Variants in RSRC1 observed in about 807,000 individuals in gnomAD.
The protein encoded by RSRC1 is arginine and serine rich coiled-coil 1.
Under a neutral mutation model 49.1 loss-of-function variants are expected in RSRC1, and 39 were observed. The observed-to-expected ratio is 0.79, with a 90% CI of 0.61 to 1.04. The LOEUF is 1.04. RSRC1 is among the 50% of genes least tolerant of loss of function. The pLI, the probability that RSRC1 is intolerant of heterozygous loss-of-function variation, is 0.00. For synonymous variants in RSRC1, 143 were observed against 130.8 expected (o/e 1.09, Z -0.63); for missense variants, 388 against 402.4 (o/e 0.96, Z 0.31).
At chr3:158,413,455 AAAGC>A (rs1734570639) in intron 6 of RSRC1, among the ~76,000 whole-genome samples, 1 of 152,214 alleles carries the variant, frequency 6.6e-6, no homozygotes, top group Non-Finnish European at 1.5e-5. Flanking sequence ...AAAAATGTCA[AAAGC>A]AATTGCAACA....
rs762180975 is a variant in RSRC1, at chr3:158,203,248, A to G, written c.494+3A>G. ...GAATTACATAACATCAAACGTGGGT[A>G]AGTTGGAGCAAATCTTATCTGGTAA... is the stretch of plus-strand genomic sequence containing the variant. On this transcript the variant is annotated splice_donor_region_variant and intron_variant, in intron 4 of 9. Coordinates refer to ENST00000611884, the MANE Select transcript of RSRC1 (RefSeq NM_001271838.2). The G allele has an allele frequency of 6.4e-7, 1 of 1,570,004 alleles. No homozygotes were observed. The highest frequency in any genetic ancestry group is 1.2e-5 in the South Asian group (1 of 85,586).
chr3:158,229,968 TC>T (rs1373791112), intron 4 of RSRC1, among the ~76,000 whole-genome samples: 3 of 152,054 alleles, frequency 2.0e-5, no homozygotes, highest in African/African-American at 7.2e-5. Flanking sequence ...CAGTCCATGG[TC>T]CCAGTTAATG....
intron 6 of RSRC1, among the ~76,000 whole-genome samples, chr3:158,447,570 GACTC>G (rs1428857225): frequency 1.3e-5 from 2 of 151,888 alleles, no homozygotes; most frequent in Non-Finnish European, 2.9e-5. Context: ...TATAACTCTT[GACTC>G]ACTCACTTCT....
intron 3 of RSRC1, among the ~76,000 whole-genome samples, chr3:158,181,233 G>A (rs1201219570): frequency 6.6e-6 from 1 of 152,142 alleles, no homozygotes. Context: ...AACTGTGCTA[G>A]CAACTAGATG....
At chr3:158,180,876 C>T (rs1240846964) in intron 3 of RSRC1, among the ~76,000 whole-genome samples, 1 of 145,310 alleles carries the variant, frequency 6.9e-6, no homozygotes, top group African/African-American at 2.6e-5. Context: ...GCAATCTCGG[C>T]TTACTGCAAC....
intron 4 of RSRC1, among the ~76,000 whole-genome samples, chr3:158,233,919 C>A (rs1052455513): frequency 1.1e-4 from 16 of 152,092 alleles, no homozygotes; most frequent in African/African-American, 3.6e-4. Context: ...GTTTGTTGAT[C>A]TTATTCTCTA....
intron 3 of RSRC1, among the ~76,000 whole-genome samples, chr3:158,194,048 C>T (rs1014108540): frequency 2.4e-4 from 34 of 140,222 alleles, no homozygotes; most frequent in African/African-American, 5.2e-4. Flanking sequence ...AGTGAGACCC[C>T]GTCTATACAC....
intron 6 of RSRC1, among the ~76,000 whole-genome samples, chr3:158,389,385 A>C (rs1469269370): frequency 1.3e-5 from 2 of 152,216 alleles, no homozygotes; most frequent in Non-Finnish European, 2.9e-5. Context: ...AATTGTGGAC[A>C]AAGCTGTAAA....
Position 158,126,978 on chromosome 3 carries a change from C to G in RSRC1, c.320+2987C>G, listed in dbSNP as rs1011711954. Among the ~76,000 whole-genome samples the G allele has an allele frequency of 5.3e-5, 8 of 152,078 alleles. No homozygotes were observed. The East Asian group carries it at 1.5e-3, about 29-fold the overall frequency. ...TCCTTTCTGGCTTGTAATGTTTCCT[C>G]TGCAAAATTGCTGAAATCTTATGAA... On this transcript the variant is annotated intron_variant, in intron 3 of 9. Coordinates refer to ENST00000611884, the MANE Select transcript of RSRC1 (RefSeq NM_001271838.2).
At chr3:158,315,134 T>C (rs950117304) in intron 5 of RSRC1, among the ~76,000 whole-genome samples, 1 of 152,202 alleles carries the variant, frequency 6.6e-6, no homozygotes, top group Non-Finnish European at 1.5e-5. Flanking sequence ...GTAAACTCTT[T>C]ACTGTTGTGC....
intron 3 of RSRC1, among the ~76,000 whole-genome samples, chr3:158,151,033 A>G (rs1044247379): frequency 2.0e-5 from 3 of 152,198 alleles, no homozygotes; most frequent in Non-Finnish European, 2.9e-5. Flanking sequence ...TTGCCCATAT[A>G]CCTTATATTT....
chr3:158,429,662 AC>A (rs1406136845), intron 6 of RSRC1, among the ~76,000 whole-genome samples: 15 of 151,214 alleles, frequency 9.9e-5, no homozygotes, highest in Non-Finnish European at 1.2e-4. Flanking sequence ...TTAAAAAAAA[AC>A]AACAAAAATA....
chr3:158,318,468 A>G (rs1728587716), intron 5 of RSRC1, among the ~76,000 whole-genome samples: 2 of 152,186 alleles, frequency 1.3e-5, no homozygotes, highest in African/African-American at 2.4e-5. Flanking sequence ...TGTTGGAAAA[A>G]GTGCTTTACT....
chr3:158,531,444 G>T (rs1712394852), intron 7 of RSRC1, among the ~76,000 whole-genome samples: 1 of 151,822 alleles, frequency 6.6e-6, no homozygotes, highest in South Asian at 2.1e-4. Context: ...CTTCTTCATT[G>T]ATACAGTCAC....
At chr3:158,260,838 A>G (rs976462157) in intron 4 of RSRC1, among the ~76,000 whole-genome samples, 1 of 152,120 alleles carries the variant, frequency 6.6e-6, no homozygotes. Context: ...TTGCTGCTAC[A>G]GGGCAGCTCT....
At chr3:158,139,227 C>G (rs1388888520) in intron 3 of RSRC1, among the ~76,000 whole-genome samples, 3 of 152,104 alleles carry the variant, frequency 2.0e-5, no homozygotes, top group Non-Finnish European at 4.4e-5. Context: ...ATGGTGAAAC[C>G]CTGTCTCTAC....
chr3:158,420,325 G>T (rs1734972972), intron 6 of RSRC1, among the ~76,000 whole-genome samples: 1 of 151,960 alleles, frequency 6.6e-6, no homozygotes, highest in Non-Finnish European at 1.5e-5. Context: ...TAAAGCTCAT[G>T]AAAAGATTTA....
chr3:158,307,391 A>G (rs772651808), intron 5 of RSRC1, among the ~76,000 whole-genome samples: 1 of 151,952 alleles, frequency 6.6e-6, no homozygotes, highest in African/African-American at 2.4e-5. Flanking sequence ...TGCTTAGCAT[A>G]TAAAGGCTTA....
intron 6 of RSRC1, among the ~76,000 whole-genome samples, chr3:158,434,693 T>C (rs1036383070): frequency 2.0e-5 from 3 of 151,954 alleles, no homozygotes. Context: ...TCATTACACC[T>C]GTAAGAAATT....
Sources: allele counts gnomAD v4.1 joint callset (sites outside exome capture counted in the v4.1 genomes callset), GRCh38; gene constraint gnomAD v4.1.1; transcripts MANE v1.5; gene names NCBI Gene and HGNC (gene_info 2026-07-23, HGNC 2026-07-21).